Variants in SHISA6 observed in about 807,000 individuals in gnomAD.
The protein encoded by SHISA6 is protein shisa-6.
A neutral mutation model predicts 47.9 loss-of-function variants in SHISA6; 22 were observed. That is an observed-to-expected ratio of 0.46 (90% CI 0.33 to 0.66). The LOEUF (loss-of-function observed/expected upper bound fraction) is 0.66, where lower values mean the gene tolerates loss of function less well. Among genes scored for constraint, SHISA6 ranks in the 30% least tolerant of loss-of-function variants. The pLI is 0.02. For synonymous variants in SHISA6, 388 were observed against 337.8 expected (o/e 1.15, Z -1.63); for missense variants, 680 against 764.6 (o/e 0.89, Z 1.30).
At chr17:11,414,635 A>C (rs1914226782) in intron 3 of SHISA6, among the ~76,000 whole-genome samples, 1 of 152,214 alleles carries the variant, frequency 6.6e-6, no homozygotes, top group Non-Finnish European at 1.5e-5. Flanking sequence ...TCAAAAACCC[A>C]CATATAATAA....
At chr17:11,355,150 T>G (rs537546277) in intron 2 of SHISA6, among the ~76,000 whole-genome samples, 10 of 152,310 alleles carry the variant, frequency 6.6e-5, no homozygotes, top group South Asian at 6.2e-4. Flanking sequence ...ATTCCAGGCT[T>G]CTGCAACCTA....
chr17:11,528,450 C>T (rs910593503), intron 3 of SHISA6, among the ~76,000 whole-genome samples: 1 of 152,014 alleles, frequency 6.6e-6, no homozygotes, highest in African/African-American at 2.4e-5. Flanking sequence ...CGTATATACA[C>T]GCATGTATAA....
At chr17:11,481,922 T>TA (rs570808643) in intron 3 of SHISA6, among the ~76,000 whole-genome samples, 2 of 151,754 alleles carry the variant, frequency 1.3e-5, no homozygotes, top group Non-Finnish European at 2.9e-5. Flanking sequence ...AAAAATGCCA[T>TA]AAAAAAATAC....
chr17:11,539,061 C>T (rs1381721541), intron 3 of SHISA6, among the ~76,000 whole-genome samples: 1 of 152,190 alleles, frequency 6.6e-6, no homozygotes, highest in Non-Finnish European at 1.5e-5. Flanking sequence ...CTGTCTCAGC[C>T]TCACCAAGTA....
chr17:11,324,562 G>A (rs1910811661), intron 2 of SHISA6, among the ~76,000 whole-genome samples: 1 of 152,108 alleles, frequency 6.6e-6, no homozygotes. Flanking sequence ...TTGGGTGGTA[G>A]GCGGGGTATT....
chr17:11,304,284 C>G (rs1045445773), intron 2 of SHISA6, among the ~76,000 whole-genome samples: 2 of 152,186 alleles, frequency 1.3e-5, no homozygotes, highest in Admixed American at 1.3e-4. Context: ...TGAAGTGGTG[C>G]GAACAGGAAG....
At position 11,263,378 on chromosome 17, in the gene SHISA6, C is replaced by T. The variant is rs1908309538; in HGVS notation, c.651C>T (p.Asp217=). The part of the protein sequence containing the change: ...REMNIHRALA[D]ILRQQGPIPI... The stretch of plus-strand genomic sequence containing the variant: ...CCTCCTTGTTTAGGGCTCTGGCTGA[C>T]ATCTTAAGACAACAGGGACCAATCC... The change falls in exon 2 of 6, where the codon GAC becomes GAT. Residue 217 remains aspartate (D), a synonymous_variant. Coordinates refer to ENST00000441885, the MANE Select transcript of SHISA6 (RefSeq NM_207386.4). 1.3e-6 allele frequency: 2 copies of T among 1,552,142 alleles called. No homozygotes were observed. The highest frequency in any genetic ancestry group is 2.4e-5 in the South Asian group (2 of 84,054).
intron 2 of SHISA6, among the ~76,000 whole-genome samples, chr17:11,327,195 A>G (rs1363042805): frequency 6.6e-6 from 1 of 152,176 alleles, no homozygotes; most frequent in Non-Finnish European, 1.5e-5. Flanking sequence ...CTCATTTCCA[A>G]ATTCATCCAG....
intron 3 of SHISA6, among the ~76,000 whole-genome samples, chr17:11,453,575 A>G (rs1000129825): frequency 6.6e-6 from 1 of 152,246 alleles, no homozygotes; most frequent in Non-Finnish European, 1.5e-5. Flanking sequence ...CACAGAAAGT[A>G]GCAAAATTAT....
chr17:11,336,055 A>G (rs1180666105), intron 2 of SHISA6, among the ~76,000 whole-genome samples: 1 of 150,690 alleles, frequency 6.6e-6, no homozygotes, highest in Non-Finnish European at 1.5e-5. Flanking sequence ...AAAAAAATCC[A>G]AAAACTAGCT....
chr17:11,532,739 CTTTTTTT>C (rs71142217), intron 3 of SHISA6, among the ~76,000 whole-genome samples: 11 of 71,304 alleles, frequency 1.5e-4, no homozygotes, highest in South Asian at 8.7e-4. Context: ...TCTATCAGGG[CTTTTTTT>C]TTTTTTTTTT....
At position 11,555,737 on chromosome 17, in the gene SHISA6, C is replaced by A. The variant is rs1354764028; in HGVS notation, c.953-3C>A. 1 of 1,533,392 alleles carries A rather than the reference C, an allele frequency of 6.5e-7. No homozygotes were observed. The highest frequency in any genetic ancestry group is 2.5e-5 in the East Asian group (1 of 40,648). The allele number at this position is 1,533,392 out of a possible 1,614,324, so 95.0% of individuals were successfully genotyped here. On this transcript the variant is annotated splice_polypyrimidine_tract_variant and splice_region_variant and intron_variant, in intron 4 of 5. Coordinates refer to ENST00000441885, the MANE Select transcript of SHISA6 (RefSeq NM_207386.4). The stretch of plus-strand genomic sequence containing the variant: ...TACAAAACACCCCTCCCTTTTCTTG[C>A]AGAGAAGCCACGGATGAACAACATC...
chr17:11,447,075 C>T (rs1915258306), intron 3 of SHISA6, among the ~76,000 whole-genome samples: 1 of 152,156 alleles, frequency 6.6e-6, no homozygotes, highest in South Asian at 2.1e-4. Context: ...CTTGTTTCTT[C>T]CAAAGAAGAC....
At chr17:11,457,943 G>A (rs1915588635) in intron 3 of SHISA6, among the ~76,000 whole-genome samples, 1 of 151,612 alleles carries the variant, frequency 6.6e-6, no homozygotes, top group Non-Finnish European at 1.5e-5. Context: ...AAATTAGCCG[G>A]GCTTAGTGGC....
chr17:11,248,474 C>A (rs1185780165), intron 1 of SHISA6, among the ~76,000 whole-genome samples: 2 of 152,186 alleles, frequency 1.3e-5, no homozygotes, highest in African/African-American at 4.8e-5. Flanking sequence ...AGACTCATCT[C>A]ATTCAATGAA....
At chr17:11,483,052 A>G (rs749431169) in intron 3 of SHISA6, among the ~76,000 whole-genome samples, 3 of 152,176 alleles carry the variant, frequency 2.0e-5, no homozygotes, top group Non-Finnish European at 4.4e-5. Flanking sequence ...CTGTAATTCT[A>G]GCACTTTGGG....
chr17:11,364,068 C>A (rs879400131), intron 2 of SHISA6, among the ~76,000 whole-genome samples: 1 of 152,160 alleles, frequency 6.6e-6, no homozygotes, highest in Non-Finnish European at 1.5e-5. Context: ...TAAGAATCTT[C>A]CCCAGCTAAA....
intron 3 of SHISA6, among the ~76,000 whole-genome samples, chr17:11,532,981 C>G (rs1055361066): frequency 6.6e-6 from 1 of 152,086 alleles, no homozygotes; most frequent in African/African-American, 2.4e-5. Context: ...TGGCAGACTG[C>G]GTGAGTGTAA....
chr17:11,501,860 T>C (rs193240207), intron 3 of SHISA6, among the ~76,000 whole-genome samples: 3 of 152,146 alleles, frequency 2.0e-5, no homozygotes, highest in East Asian at 3.9e-4. Flanking sequence ...CCTAATATAG[T>C]GGAAAAGGAG....
Sources: gnomAD v4.1 joint callset for allele counts (sites outside exome capture counted in the v4.1 genomes callset) on GRCh38, gnomAD v4.1.1 for gene constraint, MANE v1.5 for transcripts, NCBI Gene and HGNC (gene_info 2026-07-23, HGNC 2026-07-21) for gene names.